The following TBC1D22B variants were observed in gnomAD, a reference collection of about 807,000 sequenced individuals.
TBC1D22B encodes the protein TBC1 domain family member 22B.
Under a neutral mutation model 69.1 loss-of-function variants are expected in TBC1D22B, and 32 were observed. The observed-to-expected ratio is 0.46, with a 90% CI of 0.35 to 0.62. The LOEUF (loss-of-function observed/expected upper bound fraction) is 0.62. TBC1D22B is among the 20% of genes least tolerant of loss of function. The probability of loss-of-function intolerance (pLI) is 0.00; values close to 1 mark genes in which losing one functional copy is unlikely to be tolerated. For missense variants in TBC1D22B, 462 were observed against 630.9 expected (o/e 0.73, Z 2.87); for synonymous variants, 206 against 229.8 (o/e 0.90, Z 0.94).
At chr6:37,259,002 G>A (rs1051888863) in intron 1 of TBC1D22B, among the ~76,000 whole-genome samples, 2 of 144,876 alleles carry the variant, frequency 1.4e-5, no homozygotes, top group Non-Finnish European at 3.0e-5. Flanking sequence ...GTAGTGGCTA[G>A]GTAAGAGCCT....
chr6:37,316,253 T>C (rs1768075139), intron 10 of TBC1D22B, among the ~76,000 whole-genome samples: 1 of 152,192 alleles, frequency 6.6e-6, no homozygotes. Context: ...TGTGAGCCCC[T>C]TTCGCTGGCA....
chr6:37,311,668 G>A (rs951381374), intron 8 of TBC1D22B, among the ~76,000 whole-genome samples: 2 of 151,608 alleles, frequency 1.3e-5, no homozygotes, highest in East Asian at 3.9e-4. Context: ...GTGAGACCCT[G>A]TCTCAAAAAA....
intron 7 of TBC1D22B, among the ~76,000 whole-genome samples, chr6:37,290,046 C>T (rs776557580): frequency 6.6e-6 from 1 of 152,202 alleles, no homozygotes; most frequent in Non-Finnish European, 1.5e-5. Context: ...CGATCTATGA[C>T]AGAGAGGCTG....
intron 8 of TBC1D22B, among the ~76,000 whole-genome samples, chr6:37,308,230 C>T (rs757206624): frequency 1.3e-5 from 2 of 152,216 alleles, no homozygotes; most frequent in Admixed American, 6.5e-5. Flanking sequence ...CAACCAGAGA[C>T]GCTGCCCTCA....
chr6:37,266,056 C>A (rs957470430), intron 1 of TBC1D22B, among the ~76,000 whole-genome samples: 1 of 152,188 alleles, frequency 6.6e-6, no homozygotes, highest in Non-Finnish European at 1.5e-5. Flanking sequence ...TACGTCACTT[C>A]CTGCTTAACA....
chr6:37,296,288 A>G (rs1767366123), intron 8 of TBC1D22B, among the ~76,000 whole-genome samples: 1 of 151,296 alleles, frequency 6.6e-6, no homozygotes, highest in Non-Finnish European at 1.5e-5. Flanking sequence ...TAAAAAATAA[A>G]GTATTATTTA....
intron 8 of TBC1D22B, among the ~76,000 whole-genome samples, chr6:37,296,265 AAATAAT>A (rs1767365231): frequency 1.3e-5 from 2 of 151,956 alleles, no homozygotes; most frequent in African/African-American, 2.4e-5. Context: ...CCATCTCAAA[AAATAAT>A]AATAAATAAA....
At chr6:37,317,331 G>C in intron 12 of TBC1D22B, 125 bp downstream of exon 12, 1 of 961,030 alleles carries the variant, frequency 1.0e-6, no homozygotes, top group South Asian at 1.5e-5. Context: ...AGGGAGAAGG[G>C]GTGCTCTGAA....
intron 12 of TBC1D22B, among the ~76,000 whole-genome samples, chr6:37,323,719 G>A (rs1481714741): frequency 6.6e-6 from 1 of 152,252 alleles, no homozygotes; most frequent in African/African-American, 2.4e-5. Flanking sequence ...GAACACAGGG[G>A]TGCGATTGTG....
chr6:37,316,666 C>T, intron 10 of TBC1D22B, 37 bp from the exon 11 acceptor site: 1 of 1,613,624 alleles, frequency 6.2e-7, no homozygotes, highest in Non-Finnish European at 8.5e-7. Flanking sequence ...AGGGTCCAGT[C>T]CCCTAGGTTG....
chr6:37,300,685 T>A (rs9380658), intron 8 of TBC1D22B, among the ~76,000 whole-genome samples: 2 of 152,168 alleles, frequency 1.3e-5, no homozygotes, highest in Non-Finnish European at 2.9e-5. Flanking sequence ...AGTGGCTTTT[T>A]AAAAAAAATT....
chr6:37,313,316 C>A (rs1026812715), intron 9 of TBC1D22B, among the ~76,000 whole-genome samples: 1 of 151,958 alleles, frequency 6.6e-6, no homozygotes, highest in Non-Finnish European at 1.5e-5. Flanking sequence ...ATAGAGAGAC[C>A]CCTTCTCTAC....
At chr6:37,259,547 C>G (rs1370386673) in intron 1 of TBC1D22B, among the ~76,000 whole-genome samples, 3 of 152,076 alleles carry the variant, frequency 2.0e-5, no homozygotes, top group Non-Finnish European at 4.4e-5. Flanking sequence ...CTGCTGGTTG[C>G]TATTAACAAT....
chr6:37,295,943 T>C (rs555023461), intron 8 of TBC1D22B, among the ~76,000 whole-genome samples: 1 of 152,358 alleles, frequency 6.6e-6, no homozygotes, highest in Admixed American at 6.5e-5. Flanking sequence ...ACTTCATTAC[T>C]GTCTTGTTTA....
intron 10 of TBC1D22B, among the ~76,000 whole-genome samples, chr6:37,315,068 G>T (rs1768037380): frequency 1.3e-5 from 2 of 152,080 alleles, no homozygotes; most frequent in Non-Finnish European, 2.9e-5. Flanking sequence ...CCTCTTCTGG[G>T]GGATAAGCTG....
chr6:37,269,091 A>C (rs1766399078), intron 1 of TBC1D22B, among the ~76,000 whole-genome samples: 1 of 152,166 alleles, frequency 6.6e-6, no homozygotes, highest in Admixed American at 6.5e-5. Flanking sequence ...TAGGGTATGC[A>C]TATTTCATTC....
chr6:37,281,856 C>T (rs1766840837), intron 3 of TBC1D22B, among the ~76,000 whole-genome samples: 1 of 152,206 alleles, frequency 6.6e-6, no homozygotes, highest in South Asian at 2.1e-4. Flanking sequence ...CAAAAAAGTT[C>T]TCAAAAGTTG....
At chr6:37,295,079 T>C (rs1767316498) in intron 8 of TBC1D22B, among the ~76,000 whole-genome samples, 1 of 152,168 alleles carries the variant, frequency 6.6e-6, no homozygotes, top group African/African-American at 2.4e-5. Flanking sequence ...TTGAGAAGGT[T>C]GACTCCAATT....
chr6:37,264,878 C>T (rs999126324), intron 1 of TBC1D22B, among the ~76,000 whole-genome samples: 9 of 152,066 alleles, frequency 5.9e-5, no homozygotes, highest in Non-Finnish European at 1.0e-4. Context: ...GGAGATCAGT[C>T]TTTCTTAGAG....
Sources: allele counts gnomAD v4.1 joint callset (sites outside exome capture counted in the v4.1 genomes callset), GRCh38; gene constraint gnomAD v4.1.1; transcripts MANE v1.5; gene names NCBI Gene and HGNC (gene_info 2026-07-23, HGNC 2026-07-21).